HELQ: variants seen among roughly 807,000 people sequenced by gnomAD.
HELQ encodes the protein helicase, POLQ like, also known as helicase POLQ-like.
HELQ carries 77 observed loss-of-function variants against 111.6 expected under a neutral mutation model. That is an observed-to-expected ratio of 0.69 (90% CI 0.57 to 0.83). The LOEUF (loss-of-function observed/expected upper bound fraction) is 0.83. Among genes scored for constraint, HELQ ranks in the 40% least tolerant of loss-of-function variants. HELQ has a pLI of 0.00. For missense variants in HELQ, 1,200 were observed against 1,288.5 expected (o/e 0.93, Z 1.05); for synonymous variants, 438 against 454.7 (o/e 0.96, Z 0.47).
Position 83,432,109 on chromosome 4 carries a change from A to G in HELQ, c.2190+17T>C. 3.2e-6 allele frequency: 5 copies of G among 1,550,886 alleles called. No homozygotes were observed. The South Asian group carries it at 5.1e-5, about 16-fold the overall frequency. On this transcript the variant is annotated intron_variant, in intron 10 of 17. Coordinates refer to ENST00000295488, the MANE Select transcript of HELQ (RefSeq NM_133636.5). ...AGAAAAAGACAAAAACAACCAACCA[A>G]CCAAATTGAGTATTACCTGTTGTTT...
rs141759080 is a variant in HELQ at position 83,446,368 on chromosome 4, G to A, written c.1393-282C>T. Among the ~76,000 whole-genome samples, 761 of 152,128 alleles carry A rather than the reference G, an allele frequency of 5.0e-3. 19 individuals are homozygous for A. The highest frequency in any genetic ancestry group is 0.034 in the Admixed American group (520 of 15,276). On this transcript the variant is annotated intron_variant, in intron 4 of 17. Transcript: ENST00000295488. ...GACCCCCAGGCTGGAGTGCAATGGC[G>A]TGATCCTAGCTCACTGCAACCTCCA...
intron 11 of HELQ, among the ~76,000 whole-genome samples, chr4:83,430,731 T>C (rs1413565228): frequency 6.6e-6 from 1 of 152,214 alleles, no homozygotes; most frequent in Non-Finnish European, 1.5e-5. Context: ...TTCTTCCCAC[T>C]TTAATAAAAA....
At chr4:83,455,838 G>A, upstream of HELQ, 3 of 846,834 alleles carry the variant, frequency 3.5e-6, no homozygotes, top group Non-Finnish European at 5.6e-6. Flanking sequence ...CTCGCGGACC[G>A]GAAGCACGCA....
chr4:83,414,229 C>T (rs962974875), intron 17 of HELQ, among the ~76,000 whole-genome samples: 5 of 152,170 alleles, frequency 3.3e-5, no homozygotes, highest in Non-Finnish European at 7.4e-5. Flanking sequence ...GCAAGTTCAA[C>T]AGTACATTGT....
In HELQ at chr4:83,416,862, G is replaced by A. The variant is rs750709425; in HGVS notation, c.3067C>T (p.Arg1023Ter). Residue 1023 changes from arginine to a stop codon, truncating the protein, a stop_gained, in exon 17 of 18, where the codon CGA (arginine) becomes TGA (stop). Transcript: ENST00000295488. LOFTEE classifies it high-confidence loss of function. ...LMEVTGVLEG[R>*]AKQLYSAGYK... is the part of the protein sequence containing the mutation. ...CCTGCACTGTATAACTGTTTTGCTCGACCCTGAAAAGTGTTACAAAAATCA... is the reference window on the plus strand; with the variant it reads ...CCTGCACTGTATAACTGTTTTGCTCAACCCTGAAAAGTGTTACAAAAATCA... 3.1e-6 allele frequency: 5 copies of A among 1,594,584 alleles called. No homozygotes were observed. Among genetic ancestry groups the A allele is most frequent in the Admixed American group, 1.8e-5 (1 of 54,582 alleles).
intron 5 of HELQ, among the ~76,000 whole-genome samples, chr4:83,445,778 G>A (rs1721015502): frequency 6.6e-6 from 1 of 152,212 alleles, no homozygotes; most frequent in Non-Finnish European, 1.5e-5. Flanking sequence ...AAACATAGAG[G>A]TTGAGGGATG....
intron 8 of HELQ, among the ~76,000 whole-genome samples, chr4:83,437,474 T>C (rs1207753695): frequency 6.6e-6 from 1 of 151,906 alleles, no homozygotes; most frequent in African/African-American, 2.4e-5. Context: ...TAGCCGGGCA[T>C]GGTGGTGCAT....
chr4:83,447,831 C>T (rs1721132351), intron 3 of HELQ, among the ~76,000 whole-genome samples: 2 of 146,692 alleles, frequency 1.4e-5, no homozygotes, highest in East Asian at 2.0e-4. Flanking sequence ...CACTGCACTC[C>T]AGCCTGGGTG....
rs142485736 is a variant in HELQ at position 83,414,441 on chromosome 4, C to T, written c.3198+2290G>A. 8.3e-3 allele frequency among the ~76,000 whole-genome samples: 1,265 copies of T among 152,254 alleles called. 13 individuals carry two copies. The highest frequency in any genetic ancestry group is 0.029 in the African/African-American group (1,188 of 41,530). On this transcript the variant is annotated intron_variant, in intron 17 of 17. Transcript: ENST00000295488. ...TTTAAAGTTCTGTTGACCCCTTAGA[C>T]GCCTGTTCAAATTACTGTGTGGTTT...
At chr4:83,451,401 G>A (rs1053879605) in intron 2 of HELQ, among the ~76,000 whole-genome samples, 1 of 152,084 alleles carries the variant, frequency 6.6e-6, no homozygotes, top group African/African-American at 2.4e-5. Context: ...GGTGGCTCAC[G>A]CCTGTAATCC....
In HELQ at chr4:83,431,772, T is replaced by G. The variant is rs377740804; in HGVS notation, c.2191-4A>C. 8 of 1,269,478 alleles carry G rather than the reference T, an allele frequency of 6.3e-6. No homozygotes were observed. Among genetic ancestry groups the G allele is most frequent in the Non-Finnish European group, 8.6e-6 (8 of 930,056 alleles). 78.6% of individuals were successfully genotyped at this position (1,269,478 alleles called of 1,614,324 possible). On this transcript the variant is annotated splice_region_variant and splice_polypyrimidine_tract_variant and intron_variant, in intron 10 of 17. Transcript: ENST00000295488. ...GTTTAGTTATTAACTCCAATACCTA[T>G]AAAGGTTAAAGCAAAACCATGCCTT...
chr4:83,440,462 T>C (rs993401040), intron 7 of HELQ, among the ~76,000 whole-genome samples: 7 of 152,158 alleles, frequency 4.6e-5, no homozygotes, highest in African/African-American at 1.4e-4. Flanking sequence ...ACTACTGAAT[T>C]ATGACAATTT....
chr4:83,449,442 T>C (rs1252458211), intron 2 of HELQ, among the ~76,000 whole-genome samples: 1 of 152,220 alleles, frequency 6.6e-6, no homozygotes, highest in Non-Finnish European at 1.5e-5. Flanking sequence ...ATAAAAACTT[T>C]AACTAGCTCT....
Position 83,429,550 on chromosome 4 carries a change from G to T in HELQ, c.2492C>A (p.Thr831Lys), listed in dbSNP as rs762719876. Residue 831 changes from threonine to lysine, a missense_variant, in exon 12 of 18, where the codon ACA (threonine) becomes AAA (lysine). Physicochemically the swap from Thr to Lys is moderately conservative, Grantham distance 78. Coordinates refer to ENST00000295488, the MANE Select transcript of HELQ (RefSeq NM_133636.5). Reference sequence around the variant, plus strand: ...CTTAAATGAAGCACGTCCCAACTTTGTAATATGAAAATTATATTGGACCTC... The same window carrying T: ...CTTAAATGAAGCACGTCCCAACTTTTTAATATGAAAATTATATTGGACCTC... ...EEEVQYNFHI[T>K]KLGRASFKGT... 6.2e-7 allele frequency: 1 copy of T among 1,608,092 alleles called. No individual in the cohort carries two copies. The highest frequency in any genetic ancestry group is 1.1e-5 in the South Asian group (1 of 90,542).
Position 83,407,542 on chromosome 4 carries a change from CT to C in HELQ, c.3216del (p.Ala1073GlnfsTer8). On this transcript the variant is annotated frameshift_variant, in exon 18 of 18. Coordinates refer to ENST00000295488, the MANE Select transcript of HELQ (RefSeq NM_133636.5). LOFTEE classifies it low-confidence loss of function (END_TRUNC). ...TCTACCTCTTCTTGCAGGGCTTCTG[CT>C]TTTTCATGCAACAGCATCTACATTA... ...VSSAKMLLHE[K>X]AEALQEEVEE... The C allele has an allele frequency of 6.2e-7, 1 of 1,610,814 alleles. No individual in the cohort carries two copies. Among genetic ancestry groups the C allele is most frequent in the Admixed American group, 1.7e-5 (1 of 59,330 alleles).
At chr4:83,432,997 C>G (rs1720237829) in intron 9 of HELQ, among the ~76,000 whole-genome samples, 1 of 151,910 alleles carries the variant, frequency 6.6e-6, no homozygotes, top group Non-Finnish European at 1.5e-5. Flanking sequence ...GAGGTTGAGG[C>G]TGCAGTAAAT....
intron 9 of HELQ, 27 bp from the exon 10 acceptor site, chr4:83,432,294 C>T: frequency 6.7e-7 from 1 of 1,488,316 alleles, no homozygotes; most frequent in Non-Finnish European, 8.9e-7. Flanking sequence ...AAATGATACT[C>T]TACAGCAAAC....
chr4:83,454,034 T>A (rs542265468), intron 1 of HELQ, 89 bp from the exon 2 acceptor site: 7 of 804,852 alleles, frequency 8.7e-6, no homozygotes, highest in Non-Finnish European at 1.4e-5. Flanking sequence ...TCAAACCCCG[T>A]GTCTACAGAA....
chr4:83,452,146 A>G lies in HELQ; in HGVS notation c.1012+1085T>C, dbSNP rs1253717942. On this transcript the variant is annotated intron_variant, in intron 2 of 17. Transcript: ENST00000295488. ...TTAATATTATTGCTTCTTTGCACTT[A>G]AAACAAGTTTGTCCAACCCACGGCC... 2.6e-5 allele frequency among the ~76,000 whole-genome samples: 4 copies of G among 152,246 alleles called. 1 individual carries two copies. In the South Asian group the frequency reaches 8.3e-4, roughly 31 times the overall value.
Sources: gnomAD v4.1 joint callset for allele counts (sites outside exome capture counted in the v4.1 genomes callset) on GRCh38, gnomAD v4.1.1 for gene constraint, MANE v1.5 for transcripts, NCBI Gene and HGNC (gene_info 2026-07-23, HGNC 2026-07-21) for gene names.